The following VPS13B variants were observed in gnomAD, a reference collection of about 807,000 sequenced individuals.
VPS13B encodes vacuolar protein sorting 13 homolog B.
VPS13B carries 285 observed loss-of-function variants against 426.4 expected under a neutral mutation model. The observed-to-expected ratio is 0.67, with a 90% CI of 0.61 to 0.74. The LOEUF (loss-of-function observed/expected upper bound fraction) is 0.74. VPS13B is among the 30% of genes least tolerant of loss of function. VPS13B has a pLI of 0.00. For synonymous variants in VPS13B, 1,676 were observed against 1,676.4 expected, an observed-to-expected ratio of 1.00 and a Z score of 0.01; for missense variants, 4,537 against 4,782.6, an observed-to-expected ratio of 0.95 and a Z score of 1.51.
rs551076745 is a variant in VPS13B, at chr8:99,519,062, G to T, written c.4634-1837G>T. On this transcript the variant is annotated intron_variant, in intron 29 of 61. Coordinates refer to ENST00000357162, the MANE Select transcript of VPS13B (RefSeq NM_152564.5). ...TACAGCTACTATAGTAGAATCATCT[G>T]TTGGAGAATAGAGAGTAAAATGTAA... Among the ~76,000 whole-genome samples the T allele has an allele frequency of 2.6e-5, 4 of 152,322 alleles. No homozygotes were observed. The South Asian group carries it at 8.3e-4, about 32-fold the overall frequency.
intron 35 of VPS13B, among the ~76,000 whole-genome samples, chr8:99,691,667 G>C (rs1020216463): frequency 3.3e-5 from 5 of 149,314 alleles, no homozygotes; most frequent in Admixed American, 2.7e-4. Flanking sequence ...ACATCATAAT[G>C]ACAGGATCAA....
intron 31 of VPS13B, among the ~76,000 whole-genome samples, 170 bp from the exon 32 acceptor site, chr8:99,575,488 T>G (rs1269824024): frequency 6.6e-6 from 1 of 152,216 alleles, no homozygotes; most frequent in African/African-American, 2.4e-5. Context: ...TTGTAAATCT[T>G]ATGGAATTGA....
chr8:99,308,990 T>C (rs1369254938), intron 19 of VPS13B, among the ~76,000 whole-genome samples: 7 of 152,238 alleles, frequency 4.6e-5, no homozygotes, highest in Admixed American at 4.6e-4. Context: ...TTTTGAGAAG[T>C]GTCTGTTCAT....
At chr8:99,497,431 C>G (rs1028771632) in intron 25 of VPS13B, among the ~76,000 whole-genome samples, 1 of 146,738 alleles carries the variant, frequency 6.8e-6, no homozygotes, top group African/African-American at 2.5e-5. Flanking sequence ...AATATTTACT[C>G]TACCTAAAGT....
intron 1 of VPS13B, 31 bp from the exon 2 acceptor site, chr8:99,013,729 G>A: frequency 6.2e-7 from 1 of 1,607,656 alleles, no homozygotes; most frequent in Non-Finnish European, 8.5e-7. Context: ...CTCTACCGCC[G>A]ACTTCTAACG....
intron 16 of VPS13B, among the ~76,000 whole-genome samples, chr8:99,187,798 G>T (rs1273777544): frequency 1.3e-5 from 2 of 152,028 alleles, no homozygotes; most frequent in African/African-American, 4.8e-5. Flanking sequence ...GTGAGATCCT[G>T]TCTCTATAAA....
intron 3 of VPS13B, among the ~76,000 whole-genome samples, chr8:99,061,300 T>TTC (rs1554590752): frequency 6.7e-6 from 1 of 149,658 alleles, no homozygotes; most frequent in African/African-American, 2.4e-5. Context: ...AATTTTCTTT[T>TTC]TTTTTTTTTT....
intron 47 of VPS13B, 135 bp from the exon 48 acceptor site, chr8:99,819,277 A>C (rs1271776370): frequency 2.0e-6 from 2 of 1,023,164 alleles, no homozygotes; most frequent in Non-Finnish European, 2.9e-6. Context: ...TCATCCACAC[A>C]CTGTCCCATA....
chr8:99,562,571 G>A (rs754180268), intron 31 of VPS13B, among the ~76,000 whole-genome samples: 49 of 152,164 alleles, frequency 3.2e-4, no homozygotes, highest in African/African-American at 1.1e-3. Flanking sequence ...GTGAGCCACC[G>A]CACCTGGCCT....
At chr8:99,804,922 G>A (rs922440385) in intron 43 of VPS13B, among the ~76,000 whole-genome samples, 8 of 151,972 alleles carry the variant, frequency 5.3e-5, no homozygotes, top group African/African-American at 1.9e-4. Context: ...CACTTGAGGG[G>A]TCAGGATTTC....
intron 35 of VPS13B, 132 bp downstream of exon 35, chr8:99,661,623 CT>C: frequency 9.2e-7 from 1 of 1,088,600 alleles, no homozygotes; most frequent in Non-Finnish European, 1.3e-6. Context: ...GAGGTGTATG[CT>C]TTTCAGGCTG....
At chr8:99,223,343 T>A (rs1815835350) in intron 17 of VPS13B, among the ~76,000 whole-genome samples, 1 of 152,120 alleles carries the variant, frequency 6.6e-6, no homozygotes, top group Non-Finnish European at 1.5e-5. Flanking sequence ...AAAATATTAA[T>A]AGTATTGTTA....
chr8:99,360,947 G>A (rs1023580249), intron 19 of VPS13B, among the ~76,000 whole-genome samples: 7 of 152,236 alleles, frequency 4.6e-5, no homozygotes, highest in Non-Finnish European at 8.8e-5. Flanking sequence ...TGTCCTTTGA[G>A]AGAAATCATC....
intron 3 of VPS13B, among the ~76,000 whole-genome samples, chr8:99,053,638 C>T (rs1843679165): frequency 2.0e-5 from 3 of 150,322 alleles, no homozygotes; most frequent in Admixed American, 2.0e-4. Flanking sequence ...CAAGGTTCAT[C>T]CATGTTGTGG....
chr8:99,520,574 T>C (rs975962527), intron 29 of VPS13B, among the ~76,000 whole-genome samples: 1 of 152,040 alleles, frequency 6.6e-6, no homozygotes, highest in Non-Finnish European at 1.5e-5. Flanking sequence ...AATATGCAGA[T>C]TGTGAAGTTA....
At chr8:99,381,665 A>G (rs1428851927) in intron 19 of VPS13B, among the ~76,000 whole-genome samples, 1 of 151,332 alleles carries the variant, frequency 6.6e-6, no homozygotes, top group African/African-American at 2.4e-5. Context: ...AATGATGTTG[A>G]GTTTTTTTTC....
intron 2 of VPS13B, among the ~76,000 whole-genome samples, chr8:99,028,323 C>T (rs566155491): frequency 3.4e-4 from 52 of 151,008 alleles, no homozygotes; most frequent in Middle Eastern, 3.5e-3. Context: ...CCGGACGGGG[C>T]GGCTGGCCGG....
At chr8:99,238,669 A>G (rs1484276527) in intron 17 of VPS13B, among the ~76,000 whole-genome samples, 3 of 152,206 alleles carry the variant, frequency 2.0e-5, no homozygotes, top group Admixed American at 6.5e-5. Flanking sequence ...TTAATTAATA[A>G]TAAAGCTAAA....
intron 58 of VPS13B, among the ~76,000 whole-genome samples, chr8:99,866,039 C>CACTCAGTCCTGGAA (rs1287488828): frequency 6.6e-6 from 1 of 152,214 alleles, no homozygotes; most frequent in Non-Finnish European, 1.5e-5. Flanking sequence ...GTGCAGCACT[C>CACTCAGTCCTGGAA]ACTCAGTCCT....
Sources: allele counts gnomAD v4.1 joint callset (sites outside exome capture counted in the v4.1 genomes callset), GRCh38; gene constraint gnomAD v4.1.1; transcripts MANE v1.5; gene names NCBI Gene and HGNC (gene_info 2026-07-23, HGNC 2026-07-21).